FMO3: variants seen among roughly 807,000 people sequenced by gnomAD.
The protein encoded by FMO3 is flavin-containing monooxygenase 3.
A neutral mutation model predicts 39.4 loss-of-function variants in FMO3; 40 were observed. The ratio of observed to expected loss-of-function variants is 1.02; its 90% CI spans 0.79 to 1.32. FMO3 has a LOEUF of 1.32. FMO3 is among the 40% of genes most tolerant of loss of function. The probability of loss-of-function intolerance (pLI) is 0.00; values close to 1 mark genes in which losing one functional copy is unlikely to be tolerated. For synonymous variants in FMO3, 219 were observed against 228.8 expected, an observed-to-expected ratio of 0.96 and a Z score of 0.39; for missense variants, 680 against 651.8, an observed-to-expected ratio of 1.04 and a Z score of -0.47.
At chr1:171,096,031 TAATA>T (rs1557933002) in intron 2 of FMO3, among the ~76,000 whole-genome samples, 1 of 61,028 alleles carries the variant, frequency 1.6e-5, no homozygotes, top group African/African-American at 7.4e-5. Context: ...TATTAATATA[TAATA>T]TATATTATAT....
chr1:171,113,665 C>T (rs1280223720), intron 6 of FMO3, among the ~76,000 whole-genome samples: 1 of 152,128 alleles, frequency 6.6e-6, no homozygotes, highest in African/African-American at 2.4e-5. Context: ...GAATAAGTAG[C>T]AACTTTAAAA....
chr1:171,107,446 G>T (rs968539847), intron 3 of FMO3, among the ~76,000 whole-genome samples: 4 of 152,124 alleles, frequency 2.6e-5, no homozygotes, highest in Non-Finnish European at 5.9e-5. Context: ...TCTCCAAGGG[G>T]TGTCACTCTT....
chr1:171,098,266 C>A (rs1463081440), intron 2 of FMO3, among the ~76,000 whole-genome samples: 1 of 152,110 alleles, frequency 6.6e-6, no homozygotes, highest in Non-Finnish European at 1.5e-5. Context: ...ATTGACTTGG[C>A]AATGCGGGCT....
intron 2 of FMO3, among the ~76,000 whole-genome samples, chr1:171,102,273 T>C (rs1655432673): frequency 6.6e-6 from 1 of 152,208 alleles, no homozygotes; most frequent in Non-Finnish European, 1.5e-5. Context: ...GAGCTCTAAT[T>C]AGAAGTTTCT....
chr1:171,113,563 C>T (rs1656004767), intron 6 of FMO3, among the ~76,000 whole-genome samples: 2 of 152,198 alleles, frequency 1.3e-5, no homozygotes, highest in South Asian at 4.1e-4. Context: ...ATTTAGGGAA[C>T]TTCTGAGGTA....
chr1:171,099,661 CA>C (rs1655271485), intron 2 of FMO3: 1 of 151,022 alleles, frequency 6.6e-6, no homozygotes, highest in Non-Finnish European at 1.5e-5. Flanking sequence ...GAAAAGATCC[CA>C]ATTCAAGCTT....
chr1:171,096,770 A>C (rs1481019511), intron 2 of FMO3, among the ~76,000 whole-genome samples: 66 of 125,974 alleles, frequency 5.2e-4, no homozygotes, highest in Admixed American at 1.0e-3. Flanking sequence ...ATATATAATT[A>C]ATATAATTAT....
At chr1:171,117,038 C>G in intron 8 of FMO3, 62 bp from the exon 9 acceptor site, 1 of 1,286,276 alleles carries the variant, frequency 7.8e-7, no homozygotes, top group South Asian at 1.2e-5. Flanking sequence ...GAGCCATTTT[C>G]TCTGTTCTGT....
intron 2 of FMO3, among the ~76,000 whole-genome samples, chr1:171,096,784 A>T (rs1211360527): frequency 9.4e-6 from 1 of 106,550 alleles, no homozygotes; most frequent in East Asian, 2.4e-4. Flanking sequence ...TAATTATATT[A>T]AAAATATATA....
In FMO3 at chr1:171,104,063, C is replaced by T; in HGVS notation, c.321+90C>T. The T allele has an allele frequency of 5.0e-6, 5 of 994,960 alleles. No homozygotes were observed. The South Asian group carries it at 5.3e-5, about 11-fold the overall frequency. The allele number at this position is 994,960 out of a possible 1,614,324, so 61.6% of individuals were successfully genotyped here. A position where few individuals can be genotyped will look rare whatever the true frequency, so the allele number is the denominator to read the frequency against. On this transcript the variant is annotated intron_variant, in intron 3 of 8. Coordinates refer to ENST00000367755, the MANE Select transcript of FMO3 (RefSeq NM_001002294.3). ...TTCTCATTTGTTCCTTTCAGTTTCC[C>T]TTTCTAATTTGTCAACATTTTTAAC...
At chr1:171,110,537 G>C (rs1273110062) in intron 5 of FMO3, among the ~76,000 whole-genome samples, 1 of 152,096 alleles carries the variant, frequency 6.6e-6, no homozygotes, top group Non-Finnish European at 1.5e-5. Flanking sequence ...CCCAATTTGA[G>C]GTGAGGGACT....
At position 171,096,048 on chromosome 1, in the gene FMO3, A is replaced by T. The variant is rs866036460; in HGVS notation, c.132+3258A>T. Among the ~76,000 whole-genome samples the T allele has an allele frequency of 2.0e-3, 105 of 51,612 alleles. 1 individual carries two copies. The highest frequency in any genetic ancestry group is 6.4e-3 in the African/African-American group (42 of 6,530). The allele number at this position is 51,612 out of a possible 152,430, so 33.9% of individuals were successfully genotyped here. On this transcript the variant is annotated intron_variant, in intron 2 of 8. Coordinates refer to ENST00000367755, the MANE Select transcript of FMO3 (RefSeq NM_001002294.3). ...TTAATATATAATATATATTATATATAAATATATAATATATATTATATATTA... is the reference window on the plus strand; with the variant it reads ...TTAATATATAATATATATTATATATTAATATATAATATATATTATATATTA...
At chr1:171,116,831 G>A (rs1366639052) in intron 8 of FMO3, among the ~76,000 whole-genome samples, 3 of 152,236 alleles carry the variant, frequency 2.0e-5, no homozygotes, top group East Asian at 1.9e-4. Context: ...GATAAAAAAT[G>A]TCTTTCTCAG....
rs1462797410 is a variant in FMO3 at position 171,117,278 on chromosome 1, T to G, written c.1435T>G (p.Trp479Gly). 1 of 1,614,184 alleles carries G rather than the reference T, an allele frequency of 6.2e-7. No individual in the cohort carries two copies. Among genetic ancestry groups the G allele is most frequent in the Admixed American group, 1.7e-5 (1 of 60,016 alleles). Residue 479 changes from tryptophan to glycine, a missense_variant, in exon 9 of 9, where the codon TGG (tryptophan) becomes GGG (glycine). By Grantham distance (184) the Trp-to-Gly change is radical (BLOSUM62 -2). Coordinates refer to ENST00000367755, the MANE Select transcript of FMO3 (RefSeq NM_001002294.3). ...YQFRLVGPGQ[W>G]PGARNAILTQ... ...GTTTAGGCTGGTGGGCCCAGGGCAG[T>G]GGCCAGGAGCCAGAAATGCCATACT...
At chr1:171,098,759 T>C (rs930668321) in intron 2 of FMO3, among the ~76,000 whole-genome samples, 1 of 152,174 alleles carries the variant, frequency 6.6e-6, no homozygotes, top group African/African-American at 2.4e-5. Context: ...GACTTCCTCT[T>C]TTCCTAATTG....
chr1:171,112,260 A>G (rs1484134465), intron 6 of FMO3, among the ~76,000 whole-genome samples: 1 of 152,196 alleles, frequency 6.6e-6, no homozygotes, highest in Non-Finnish European at 1.5e-5. Flanking sequence ...TCTGAAAGCA[A>G]TGGGAAACTA....
At chr1:171,101,603 G>A (rs903643519) in intron 2 of FMO3, 6 of 455,570 alleles carry the variant, frequency 1.3e-5, no homozygotes, top group Non-Finnish European at 2.7e-5. Context: ...TAACACTAAG[G>A]GTGCATATAG....
At chr1:171,102,866 T>C (rs1212364855) in intron 2 of FMO3, among the ~76,000 whole-genome samples, 1 of 152,174 alleles carries the variant, frequency 6.6e-6, no homozygotes, top group African/African-American at 2.4e-5. Flanking sequence ...AATTCAGATA[T>C]TTTTACATCA....
At chr1:171,115,432 G>A (rs28363589) in intron 7 of FMO3, among the ~76,000 whole-genome samples, 2,649 of 152,142 alleles carry the variant, frequency 0.017, 82 homozygotes, top group African/African-American at 0.061. Flanking sequence ...AAGTTCCAAG[G>A]CCTGGAACCA....
Sources: allele counts gnomAD v4.1 joint callset (sites outside exome capture counted in the v4.1 genomes callset), GRCh38; gene constraint gnomAD v4.1.1; transcripts MANE v1.5; gene names NCBI Gene and HGNC (gene_info 2026-07-23, HGNC 2026-07-21).